Variants in PPP1R37 observed in about 807,000 individuals in gnomAD.
PPP1R37 encodes the protein leucine rich repeat containing 68.
In PPP1R37, 21 loss-of-function variants were observed where a neutral mutation model predicts 61.0. The ratio of observed to expected loss-of-function variants is 0.34; its 90% CI spans 0.24 to 0.50. The LOEUF is 0.50. Among genes scored for constraint, PPP1R37 ranks in the 20% least tolerant of loss-of-function variants. The pLI is 0.98. For synonymous variants in PPP1R37, 443 were observed against 433.5 expected (o/e 1.02, Z -0.27); for missense variants, 910 against 952.7 (o/e 0.96, Z 0.59).
In PPP1R37 at chr19:45,093,541, G is replaced by A; in HGVS notation, c.202+14G>A. ...CCTGGAGACATGGTAGCTACCGCGG[G>A]TGAAGCGGGGGCGGGCTCGAGAGGG... On this transcript the variant is annotated intron_variant, in intron 1 of 12. Transcript: ENST00000221462. 1.3e-6 allele frequency: 2 copies of A among 1,526,804 alleles called. No individual in the cohort carries two copies. The highest frequency in any genetic ancestry group is 1.8e-6 in the Non-Finnish European group (2 of 1,140,204). 94.6% of individuals were successfully genotyped at this position (1,526,804 alleles called of 1,614,324 possible).
At position 45,146,680 on chromosome 19, in the gene PPP1R37, T is replaced by G. The variant is rs2122762631; in HGVS notation, c.*118T>G. On this transcript the variant is annotated 3_prime_UTR_variant, in exon 13 of 13. Transcript: ENST00000221462. ...AGGATGCCAGGGGTGGGGGCCATTC[T>G]GGGGCCCCCCTCCCCCCACAGCAAC... 1 of 533,924 alleles carries G rather than the reference T, an allele frequency of 1.9e-6. No homozygotes were observed. The highest frequency in any genetic ancestry group is 3.2e-5 in the Admixed American group (1 of 31,334). 33.1% of individuals were successfully genotyped at this position (533,924 alleles called of 1,614,324 possible). A position where few individuals can be genotyped will look rare whatever the true frequency, so the allele number is the denominator to read the frequency against.
At chr19:45,103,012 G>A (rs1430923556) in intron 1 of PPP1R37, among the ~76,000 whole-genome samples, 3 of 152,194 alleles carry the variant, frequency 2.0e-5, no homozygotes, top group East Asian at 3.9e-4. Flanking sequence ...AAAGGAATTC[G>A]AGAGATCCGT....
rs1034824146 is a variant in PPP1R37, at chr19:45,145,891, C to T, written c.1835C>T (p.Thr612Ile). The T allele has an allele frequency of 1.3e-6, 2 of 1,530,598 alleles. No individual in the cohort carries two copies. The highest frequency in any genetic ancestry group is 8.7e-7 in the Non-Finnish European group (1 of 1,144,722). 94.8% of individuals were successfully genotyped at this position (1,530,598 alleles called of 1,614,324 possible). Residue 612 changes from threonine to isoleucine, a missense_variant, in exon 11 of 13, where the codon ACC becomes ATC. Thr to Ile is a moderately conservative substitution (Grantham distance 89). Around this residue, in one of 3 missense-constraint regions of PPP1R37, gnomAD observed 549 missense variants for 505.1 expected, o/e 1.09. Transcript: ENST00000221462. Reference sequence around the variant, plus strand: ...CTACCACCAGCCGGGGCCATTGACACCCGGGACACAGGGTCCTCTGAGCCT... The same window carrying T: ...CTACCACCAGCCGGGGCCATTGACATCCGGGACACAGGGTCCTCTGAGCCT... Reference protein sequence around the residue: ...PSLPPAGAIDTRDTGSSEPQP... With the variant: ...PSLPPAGAIDIRDTGSSEPQP...
chr19:45,099,116 C>T (rs1423307700), intron 1 of PPP1R37, among the ~76,000 whole-genome samples: 1 of 152,152 alleles, frequency 6.6e-6, no homozygotes, highest in Admixed American at 6.5e-5. Context: ...CTCCTCTGCC[C>T]CCACCTATAG....
At chr19:45,098,589 C>G (rs549513423) in intron 1 of PPP1R37, among the ~76,000 whole-genome samples, 108 of 152,222 alleles carry the variant, frequency 7.1e-4, no homozygotes, top group Non-Finnish European at 1.2e-3. Context: ...GTGAGGGGGC[C>G]CAAGCATGCT....
intron 1 of PPP1R37, among the ~76,000 whole-genome samples, chr19:45,103,308 G>A (rs536333660): frequency 2.6e-5 from 4 of 152,338 alleles, no homozygotes; most frequent in South Asian, 2.1e-4. Flanking sequence ...CTTGCCCAGC[G>A]CCCATCTCAC....
intron 1 of PPP1R37, among the ~76,000 whole-genome samples, chr19:45,104,442 A>G (rs1968103954): frequency 6.6e-6 from 1 of 152,124 alleles, no homozygotes; most frequent in African/African-American, 2.4e-5. Context: ...ACAGTCAGGG[A>G]GCATGGGGTG....
Position 45,145,813 on chromosome 19 carries a change from C to A in PPP1R37, c.1757C>A (p.Ser586Tyr). Residue 586 changes from serine to tyrosine, a missense_variant, in exon 11 of 13, where the codon TCC becomes TAC. Coordinates refer to ENST00000221462, the MANE Select transcript of PPP1R37 (RefSeq NM_019121.2). ...CCCGAGAGGGCAGAGCCCCCTGCGTCCCCCACCCCTCCCTCTCCCCCACCC... is the reference window on the plus strand; with the variant it reads ...CCCGAGAGGGCAGAGCCCCCTGCGTACCCCACCCCTCCCTCTCCCCCACCC... The part of the protein sequence containing the change: ...SPPERAEPPA[S>Y]PTPPSPPPPP... The A allele has an allele frequency of 1.9e-6, 1 of 513,942 alleles. No homozygotes were observed. Among genetic ancestry groups the A allele is most frequent in the East Asian group, 6.4e-5 (1 of 15,712 alleles). The allele number at this position is 513,942 out of a possible 1,614,324, so 31.8% of individuals were successfully genotyped here. A position where few individuals can be genotyped will look rare whatever the true frequency, so the allele number is the denominator to read the frequency against.
At chr19:45,142,561 C>T (rs1968628457) in intron 7 of PPP1R37, 103 bp downstream of exon 7, 6 of 1,193,662 alleles carry the variant, frequency 5.0e-6, no homozygotes, top group Non-Finnish European at 7.0e-6. Context: ...CAAGACCACC[C>T]CAACGCTGTC....
intron 1 of PPP1R37, among the ~76,000 whole-genome samples, chr19:45,105,484 C>CTCCTCCCTG (rs1283284043): frequency 6.6e-6 from 1 of 152,112 alleles, no homozygotes; most frequent in Non-Finnish European, 1.5e-5. Context: ...ATCCCAGGAC[C>CTCCTCCCTG]TCCTCCCTGT....
rs1361021244 is a variant in PPP1R37, at chr19:45,093,539, G to T, written c.202+12G>T. On this transcript the variant is annotated intron_variant, in intron 1 of 12. Coordinates refer to ENST00000221462, the MANE Select transcript of PPP1R37 (RefSeq NM_019121.2). ...CCCCTGGAGACATGGTAGCTACCGC[G>T]GGTGAAGCGGGGGCGGGCTCGAGAG... is the stretch of plus-strand genomic sequence containing the variant. The T allele has an allele frequency of 2.0e-6, 3 of 1,526,858 alleles. No homozygotes were observed. Among genetic ancestry groups the T allele is most frequent in the Non-Finnish European group, 2.6e-6 (3 of 1,140,334 alleles). The allele number at this position is 1,526,858 out of a possible 1,614,324, so 94.6% of individuals were successfully genotyped here. A position where few individuals can be genotyped will look rare whatever the true frequency, so the allele number is the denominator to read the frequency against.
intron 1 of PPP1R37, among the ~76,000 whole-genome samples, chr19:45,131,314 C>T (rs1968474183): frequency 6.6e-6 from 1 of 152,144 alleles, no homozygotes; most frequent in Non-Finnish European, 1.5e-5. Context: ...AGCATCTCTC[C>T]CTGGAGCTCA....
At chr19:45,128,039 G>A (rs1459020036) in intron 1 of PPP1R37, among the ~76,000 whole-genome samples, 1 of 150,946 alleles carries the variant, frequency 6.6e-6, no homozygotes, top group Non-Finnish European at 1.5e-5. Context: ...CTCAATCCTT[G>A]TATGCATTTA....
chr19:45,119,960 T>G (rs1340566542), intron 1 of PPP1R37, among the ~76,000 whole-genome samples: 2 of 151,944 alleles, frequency 1.3e-5, no homozygotes, highest in Non-Finnish European at 2.9e-5. Context: ...GGCTACTCCA[T>G]CTCTGTGTTC....
At position 45,117,273 on chromosome 19, in the gene PPP1R37, G is replaced by C. The variant is rs372463761; in HGVS notation, c.203-21241G>C. Among the ~76,000 whole-genome samples the C allele has an allele frequency of 1.1e-4, 16 of 152,254 alleles. No homozygotes were observed. In the East Asian group the frequency reaches 1.4e-3, roughly 13 times the overall value. ...GTCAGCTGCGGCTTAAGCTGCAGGA[G>C]GGGAGGGAAGCTGTCAGAGGGAGGG... is the stretch of plus-strand genomic sequence containing the variant. On this transcript the variant is annotated intron_variant, in intron 1 of 12. Coordinates refer to ENST00000221462, the MANE Select transcript of PPP1R37 (RefSeq NM_019121.2).
intron 8 of PPP1R37, 32 bp from the exon 9 acceptor site, chr19:45,144,822 C>T (rs752675892): frequency 3.3e-6 from 5 of 1,501,144 alleles, no homozygotes; most frequent in African/African-American, 2.8e-5. Context: ...CCATCACGGC[C>T]TCCTCCTCAC....
At chr19:45,141,268 TCTC>T in intron 4 of PPP1R37, 51 bp from the exon 5 acceptor site, 4 of 1,491,332 alleles carry the variant, frequency 2.7e-6, no homozygotes, top group South Asian at 2.5e-5. Flanking sequence ...GGCCCACGCC[TCTC>T]CTCCAGGGCA....
intron 1 of PPP1R37, among the ~76,000 whole-genome samples, chr19:45,113,732 C>T (rs977654000): frequency 6.6e-6 from 1 of 152,230 alleles, no homozygotes; most frequent in African/African-American, 2.4e-5. Context: ...GCGTTCCCCT[C>T]CACTCCGTGA....
intron 7 of PPP1R37, chr19:45,142,826 A>C: frequency 4.3e-6 from 1 of 235,176 alleles, no homozygotes; most frequent in Non-Finnish European, 8.4e-6. Flanking sequence ...AGGAGGGAAG[A>C]CCACCGTGGG....
Sources: allele counts gnomAD v4.1 joint callset (sites outside exome capture counted in the v4.1 genomes callset), GRCh38; gene constraint gnomAD v4.1.1; regional missense constraint gnomAD v4.1.1; transcripts MANE v1.5; gene names NCBI Gene and HGNC (gene_info 2026-07-23, HGNC 2026-07-21).